Variants in KIRREL3 observed in about 807,000 individuals in gnomAD.
KIRREL3 encodes the protein kin of IRRE-like protein 3.
A neutral mutation model predicts 89.7 loss-of-function variants in KIRREL3; 36 were observed. The ratio of observed to expected loss-of-function variants is 0.40; its 90% CI spans 0.31 to 0.53. KIRREL3 has a LOEUF of 0.53. Among genes scored for constraint, KIRREL3 ranks in the 20% least tolerant of loss-of-function variants. The pLI is 0.49. For missense variants in KIRREL3, 864 were observed against 1,056.6 expected (o/e 0.82, Z 2.53); for synonymous variants, 445 against 441.4 (o/e 1.01, Z -0.10).
chr11:126,889,523 A>G (rs1002166329), intron 1 of KIRREL3, among the ~76,000 whole-genome samples: 27 of 152,200 alleles, frequency 1.8e-4, no homozygotes, highest in Middle Eastern at 3.2e-3. Flanking sequence ...GAAGAAAAAA[A>G]GTCAATTCCC....
In KIRREL3 at chr11:126,766,613, G is replaced by GTATC. The variant is rs1949832042; in HGVS notation, c.56-203705_56-203702dup. Among the ~76,000 whole-genome samples the GTATC allele has an allele frequency of 6.6e-6, 1 of 152,132 alleles. No homozygotes were observed. The highest frequency in any genetic ancestry group is 1.5e-5 in the Non-Finnish European group (1 of 68,026). On this transcript the variant is annotated intron_variant, in intron 1 of 16. Transcript: ENST00000525144. The surrounding 1 kb of genome is among the most constrained non-coding windows in gnomAD (Gnocchi z 4.2). ...ATTGTGCCTCATGGTGGCGCCAGTA[G>GTATC]TATCATTCCATTACCATTTCCTCAA... is the stretch of plus-strand genomic sequence containing the variant.
intron 1 of KIRREL3, among the ~76,000 whole-genome samples, chr11:126,654,192 C>A (rs921069017): frequency 1.3e-5 from 2 of 150,474 alleles, no homozygotes; most frequent in Admixed American, 6.7e-5. Flanking sequence ...TGACAGGTGG[C>A]GGGGAAGACC....
chr11:126,643,126 T>C lies in KIRREL3; in HGVS notation c.56-80214A>G, dbSNP rs1944536164. ...GAAAACTGAGTCTGCCACTTACTAA[T>C]TCTGTAATATTGGGCAGAAAATGTA... On this transcript the variant is annotated intron_variant, in intron 1 of 16. Coordinates refer to ENST00000525144, the MANE Select transcript of KIRREL3 (RefSeq NM_032531.4). The surrounding 1 kb of genome is among the most constrained non-coding windows in gnomAD (Gnocchi z 4.5). 6.6e-6 allele frequency among the ~76,000 whole-genome samples: 1 copy of C among 152,214 alleles called. No homozygotes were observed. Among genetic ancestry groups the C allele is most frequent in the Admixed American group, 6.5e-5 (1 of 15,286 alleles).
In KIRREL3 at chr11:126,686,173, A is replaced by T. The variant is rs1946657961; in HGVS notation, c.56-123261T>A. On this transcript the variant is annotated intron_variant, in intron 1 of 16. Coordinates refer to ENST00000525144, the MANE Select transcript of KIRREL3 (RefSeq NM_032531.4). This position sits in a 1 kb window ranked among gnomAD's most constrained non-coding sequence, Gnocchi z 4.7. ...GTCTCTGCGTTCTGCCTTTGTGTTG[A>T]GCTTCTCCTCCACAGCCCACCCACC... 6.6e-6 allele frequency among the ~76,000 whole-genome samples: 1 copy of T among 151,794 alleles called. No homozygotes were observed. The highest frequency in any genetic ancestry group is 2.4e-5 in the African/African-American group (1 of 41,294).
At chr11:126,619,825 A>G (rs2134833542) in intron 1 of KIRREL3, among the ~76,000 whole-genome samples, 1 of 152,282 alleles carries the variant, frequency 6.6e-6, no homozygotes, top group East Asian at 1.9e-4. Flanking sequence ...GGATCCTGAA[A>G]TCCAGTGGAA....
rs937883192 is a variant in KIRREL3, at chr11:126,890,472, G to A, written c.55+109983C>T. Among the ~76,000 whole-genome samples, 1 of 152,170 alleles carries A rather than the reference G, an allele frequency of 6.6e-6. No individual in the cohort carries two copies. The highest frequency in any genetic ancestry group is 1.5e-5 in the Non-Finnish European group (1 of 68,036). On this transcript the variant is annotated intron_variant, in intron 1 of 16. Transcript: ENST00000525144. This position sits in a 1 kb window ranked among gnomAD's most constrained non-coding sequence, Gnocchi z 5.1. The stretch of plus-strand genomic sequence containing the variant: ...CACGTGCTGGTCTGGCACTCTAATT[G>A]TCCAATCTGCTGCTCAATTTTCAAC...
chr11:126,583,848 C>T (rs1450654019), intron 1 of KIRREL3, among the ~76,000 whole-genome samples: 3 of 152,150 alleles, frequency 2.0e-5, no homozygotes, highest in Admixed American at 6.5e-5. Context: ...ACGGCAGGCC[C>T]GAGGCAGCCA....
rs1048321943 is a variant in KIRREL3 at position 126,570,177 on chromosome 11, T to C, written c.56-7265A>G. Among the ~76,000 whole-genome samples, 1 of 152,196 alleles carries C rather than the reference T, an allele frequency of 6.6e-6. No individual in the cohort carries two copies. The highest frequency in any genetic ancestry group is 2.4e-5 in the African/African-American group (1 of 41,448). ...CCTGTTTTATAATTTTTGGATCTCATTGCTTGCTAATTCTAAGTTTACTAA... is the reference window on the plus strand; with the variant it reads ...CCTGTTTTATAATTTTTGGATCTCACTGCTTGCTAATTCTAAGTTTACTAA... On this transcript the variant is annotated intron_variant, in intron 1 of 16. Transcript: ENST00000525144. This position sits in a 1 kb window ranked among gnomAD's most constrained non-coding sequence, Gnocchi z 6.1.
intron 1 of KIRREL3, among the ~76,000 whole-genome samples, chr11:126,949,957 T>G (rs937323571): frequency 6.6e-6 from 1 of 152,212 alleles, no homozygotes; most frequent in Non-Finnish European, 1.5e-5. Flanking sequence ...GTCTGTGTGT[T>G]TAGGGTTCAA....
rs1294882456 is a variant in KIRREL3, at chr11:126,924,461, A to C, written c.55+75994T>G. On this transcript the variant is annotated intron_variant, in intron 1 of 16. Coordinates refer to ENST00000525144, the MANE Select transcript of KIRREL3 (RefSeq NM_032531.4). The surrounding 1 kb of genome is among the most constrained non-coding windows in gnomAD (Gnocchi z 4.7). The stretch of plus-strand genomic sequence containing the variant: ...TCTAAAATAAAGAGGATTTCCAGGC[A>C]CACGGGAAGTCTAACACCCATTAAT... Among the ~76,000 whole-genome samples, 1 of 152,218 alleles carries C rather than the reference A, an allele frequency of 6.6e-6. No homozygotes were observed. Among genetic ancestry groups the C allele is most frequent in the African/African-American group, 2.4e-5 (1 of 41,468 alleles).
chr11:126,534,744 A>T (rs539021), intron 2 of KIRREL3, among the ~76,000 whole-genome samples: 98,170 of 151,956 alleles, frequency 0.65, 32,082 homozygotes, highest in East Asian at 0.91. Flanking sequence ...TGGGTCTGCC[A>T]CCCCCTCGTG....
chr11:126,472,047 T>G (rs1015745583), intron 5 of KIRREL3, among the ~76,000 whole-genome samples: 1 of 152,208 alleles, frequency 6.6e-6, no homozygotes, highest in African/African-American at 2.4e-5. Flanking sequence ...CGGCTTCACC[T>G]GGCAGCCCTG....
intron 4 of KIRREL3, among the ~76,000 whole-genome samples, chr11:126,480,355 A>T (rs1313766029): frequency 1.3e-5 from 2 of 152,216 alleles, no homozygotes; most frequent in Non-Finnish European, 2.9e-5. Context: ...TAGGAATAAT[A>T]TTTAGGTTTG....
chr11:126,553,919 T>A lies in KIRREL3; in HGVS notation c.133+8916A>T, dbSNP rs971656962. On this transcript the variant is annotated intron_variant, in intron 2 of 16. Transcript: ENST00000525144. The surrounding 1 kb of genome is among the most constrained non-coding windows in gnomAD (Gnocchi z 4.7). ...CTGTATTTACCTTGTCTGATCAAAG[T>A]AGTAACCTTCGAAACAGGTTGGTGT... 1.3e-5 allele frequency among the ~76,000 whole-genome samples: 2 copies of A among 152,208 alleles called. No individual in the cohort carries two copies. The highest frequency in any genetic ancestry group is 4.8e-5 in the African/African-American group (2 of 41,460).
rs971323017 is a variant in KIRREL3, at chr11:126,867,404, T to C, written c.55+133051A>G. Among the ~76,000 whole-genome samples, 1 of 152,146 alleles carries C rather than the reference T, an allele frequency of 6.6e-6. No individual in the cohort carries two copies. Among genetic ancestry groups the C allele is most frequent in the African/African-American group, 2.4e-5 (1 of 41,442 alleles). On this transcript the variant is annotated intron_variant, in intron 1 of 16. Transcript: ENST00000525144. The surrounding 1 kb of genome is among the most constrained non-coding windows in gnomAD (Gnocchi z 4.7). ...CTTCCCATTCGGCTGTTCTCCAGCT[T>C]GGAATGCTGTTTCTCCTCTCTCCCA...
At chr11:126,820,120 C>A (rs1203210815) in intron 1 of KIRREL3, among the ~76,000 whole-genome samples, 2 of 152,134 alleles carry the variant, frequency 1.3e-5, no homozygotes, top group African/African-American at 4.8e-5. Context: ...ATGAACAGAG[C>A]AGAAAAATCC....
In KIRREL3 at chr11:126,696,422, C is replaced by G. The variant is rs1299192883; in HGVS notation, c.56-133510G>C. ...GTAACTTCCAAGTTACCCTTAACTCCTGCCTTTGCCCAATCCCCAGCCTTC... is the reference window on the plus strand; with the variant it reads ...GTAACTTCCAAGTTACCCTTAACTCGTGCCTTTGCCCAATCCCCAGCCTTC... On this transcript the variant is annotated intron_variant, in intron 1 of 16. Transcript: ENST00000525144. The surrounding 1 kb of genome is among the most constrained non-coding windows in gnomAD (Gnocchi z 4.4). Among the ~76,000 whole-genome samples the G allele has an allele frequency of 6.6e-6, 1 of 152,120 alleles. No individual in the cohort carries two copies. The highest frequency in any genetic ancestry group is 1.5e-5 in the Non-Finnish European group (1 of 68,034).
At chr11:126,806,814 C>T (rs1951218559) in intron 1 of KIRREL3, among the ~76,000 whole-genome samples, 2 of 151,744 alleles carry the variant, frequency 1.3e-5, no homozygotes, top group Admixed American at 1.3e-4. Context: ...AGGTATTTGT[C>T]CTAATGCTCT....
In KIRREL3 at chr11:126,557,546, C is replaced by T. The variant is rs565960932; in HGVS notation, c.133+5289G>A. On this transcript the variant is annotated intron_variant, in intron 2 of 16. Coordinates refer to ENST00000525144, the MANE Select transcript of KIRREL3 (RefSeq NM_032531.4). The surrounding 1 kb of genome is among the most constrained non-coding windows in gnomAD (Gnocchi z 5.6). ...AGGGACTTGCCCAAGCTCACACAGC[C>T]GGCTCCTCACTCTTAAGTGCTCCTC... 1.3e-4 allele frequency among the ~76,000 whole-genome samples: 20 copies of T among 152,276 alleles called. No individual in the cohort carries two copies. Among genetic ancestry groups the T allele is most frequent in the Non-Finnish European group, 2.5e-4 (17 of 68,026 alleles).
Sources: allele counts gnomAD v4.1 joint callset (sites outside exome capture counted in the v4.1 genomes callset), GRCh38; gene constraint gnomAD v4.1.1; non-coding constraint Gnocchi (gnomAD v3.1); transcripts MANE v1.5; gene names NCBI Gene and HGNC (gene_info 2026-07-23, HGNC 2026-07-21).